The following ZNF423 variants were observed in gnomAD, a reference collection of about 807,000 sequenced individuals.
The protein encoded by ZNF423 is zinc finger protein 423.
In ZNF423, 12 loss-of-function variants were observed where a neutral mutation model predicts 95.8. The ratio of observed to expected loss-of-function variants is 0.13; its 90% CI spans 0.08 to 0.20. The LOEUF (loss-of-function observed/expected upper bound fraction) is 0.20. Ranked by LOEUF, ZNF423 falls within the 10% of genes least tolerant of loss-of-function variation. ZNF423 has a pLI of 1.00. For synonymous variants in ZNF423, 749 were observed against 711.9 expected, an observed-to-expected ratio of 1.05 and a Z score of -0.83; for missense variants, 1,316 against 1,737.1, an observed-to-expected ratio of 0.76 and a Z score of 4.31.
chr16:49,644,068 G>A (rs915458531), intron 3 of ZNF423, among the ~76,000 whole-genome samples: 1 of 152,196 alleles, frequency 6.6e-6, no homozygotes. Flanking sequence ...CACAGCTCAC[G>A]GCTCCTCTGT....
At chr16:49,563,460 C>T (rs942744169) in intron 5 of ZNF423, among the ~76,000 whole-genome samples, 2 of 152,206 alleles carry the variant, frequency 1.3e-5, no homozygotes, top group African/African-American at 2.4e-5. Context: ...CACCCAGCCT[C>T]GGGTATTCCT....
intron 1 of ZNF423, among the ~76,000 whole-genome samples, chr16:49,812,497 C>T (rs569031186): frequency 8.7e-4 from 133 of 152,210 alleles, no homozygotes; most frequent in African/African-American, 3.2e-3. Flanking sequence ...GAGTTCAAGA[C>T]CAGCCCAGGC....
intron 5 of ZNF423, among the ~76,000 whole-genome samples, chr16:49,590,629 C>T (rs1243626010): frequency 3.3e-5 from 5 of 152,190 alleles, no homozygotes; most frequent in Admixed American, 3.3e-4. Flanking sequence ...CCCTGTGCTT[C>T]CCCTTGGTCT....
intron 1 of ZNF423, among the ~76,000 whole-genome samples, chr16:49,798,381 A>G (rs529079946): frequency 6.6e-6 from 1 of 152,116 alleles, no homozygotes; most frequent in African/African-American, 2.4e-5. Flanking sequence ...GATGATGCAC[A>G]CCTATAATCC....
intron 5 of ZNF423, among the ~76,000 whole-genome samples, chr16:49,582,382 T>C (rs1244723538): frequency 6.6e-6 from 1 of 152,268 alleles, no homozygotes; most frequent in Non-Finnish European, 1.5e-5. Flanking sequence ...GTTGTATCTG[T>C]GCTCCCATTG....
intron 2 of ZNF423, among the ~76,000 whole-genome samples, chr16:49,734,052 T>C (rs1324045443): frequency 6.6e-6 from 1 of 152,250 alleles, no homozygotes; most frequent in Admixed American, 6.5e-5. Context: ...CTGAAGTCCC[T>C]GGGCCTGTTG....
chr16:49,780,957 C>T (rs900212334), intron 2 of ZNF423, among the ~76,000 whole-genome samples: 1 of 152,246 alleles, frequency 6.6e-6, no homozygotes, highest in Non-Finnish European at 1.5e-5. Flanking sequence ...AAGGTGGACG[C>T]CACCAGCACA....
chr16:49,540,389 C>T (rs757477230), intron 5 of ZNF423, among the ~76,000 whole-genome samples: 1 of 152,194 alleles, frequency 6.6e-6, no homozygotes. Flanking sequence ...ATCCTCACAC[C>T]TCAGAGCCCT....
chr16:49,527,823 G>A (rs919838418), intron 5 of ZNF423, among the ~76,000 whole-genome samples: 14 of 152,150 alleles, frequency 9.2e-5, no homozygotes, highest in South Asian at 2.1e-4. Flanking sequence ...CCCCGCCATC[G>A]TACACCACCG....
intron 3 of ZNF423, among the ~76,000 whole-genome samples, chr16:49,727,663 G>A (rs2033059933): frequency 1.3e-5 from 2 of 152,180 alleles, no homozygotes; most frequent in South Asian, 2.1e-4. Context: ...GGGGAGGCAC[G>A]TGCTGCCTCC....
chr16:49,569,000 C>T (rs934950204), intron 5 of ZNF423, among the ~76,000 whole-genome samples: 1 of 152,080 alleles, frequency 6.6e-6, no homozygotes, highest in Non-Finnish European at 1.5e-5. Context: ...CCCCACCAGC[C>T]CCTTCTAGTA....
chr16:49,823,821 C>A (rs2034974780), intron 1 of ZNF423, among the ~76,000 whole-genome samples: 1 of 152,056 alleles, frequency 6.6e-6, no homozygotes, highest in Non-Finnish European at 1.5e-5. Context: ...GTTAAAGGGG[C>A]CGGGCACAGT....
chr16:49,507,542 A>C (rs149450550), intron 7 of ZNF423, among the ~76,000 whole-genome samples: 6 of 152,342 alleles, frequency 3.9e-5, no homozygotes, highest in Non-Finnish European at 7.3e-5. Context: ...GTGTGGCCTC[A>C]GCTGGGAAAC....
At chr16:49,634,792 C>T (rs996228256) in intron 4 of ZNF423, among the ~76,000 whole-genome samples, 2 of 152,194 alleles carry the variant, frequency 1.3e-5, no homozygotes, top group African/African-American at 4.8e-5. Flanking sequence ...CCAGGCCCAC[C>T]ATTGGTTGCC....
At chr16:49,667,902 A>G (rs1045713529) in intron 3 of ZNF423, among the ~76,000 whole-genome samples, 1 of 152,126 alleles carries the variant, frequency 6.6e-6, no homozygotes, top group Non-Finnish European at 1.5e-5. Flanking sequence ...AATAATGATA[A>G]TAAAGAAGAG....
Position 49,638,767 on chromosome 16 carries a change from C to T in ZNF423, c.409G>A (p.Glu137Lys), listed in dbSNP as rs747342689. 7.4e-6 allele frequency: 12 copies of T among 1,613,994 alleles called. No individual in the cohort carries two copies. The highest frequency in any genetic ancestry group is 1.0e-5 in the Non-Finnish European group (12 of 1,180,054). ...IGDGCDLGLG[E>K]EEGGTGLPYP... Reference sequence around the variant, plus strand: ...GGCAGGCCCGTGCCCCCTTCCTCCTCGCCGAGGCCGAGGTCACAACCATCT... The same window carrying T: ...GGCAGGCCCGTGCCCCCTTCCTCCTTGCCGAGGCCGAGGTCACAACCATCT... Residue 137 changes from glutamate to lysine, a missense_variant, in exon 4 of 8, where the codon GAG becomes AAG. Transcript: ENST00000563137. This position sits in a 1 kb window ranked among gnomAD's most constrained non-coding sequence, Gnocchi z 5.6.
chr16:49,756,496 C>T (rs1479150972), intron 2 of ZNF423, among the ~76,000 whole-genome samples: 4 of 152,196 alleles, frequency 2.6e-5, no homozygotes, highest in African/African-American at 4.8e-5. Context: ...GACCCCTCCC[C>T]GGAGTTCCAA....
intron 3 of ZNF423, among the ~76,000 whole-genome samples, chr16:49,661,600 G>C (rs958751772): frequency 6.6e-6 from 1 of 152,208 alleles, no homozygotes; most frequent in African/African-American, 2.4e-5. Context: ...TAAAAAGTGA[G>C]CACTTCCCGC....
intron 5 of ZNF423, among the ~76,000 whole-genome samples, chr16:49,585,456 G>A (rs574811883): frequency 3.6e-4 from 55 of 152,280 alleles, no homozygotes; most frequent in Admixed American, 3.4e-3. Context: ...CACAGGCCTC[G>A]ATGGGGGGAT....
Sources: gnomAD v4.1 joint callset for allele counts (sites outside exome capture counted in the v4.1 genomes callset) on GRCh38, gnomAD v4.1.1 for gene constraint, Gnocchi (gnomAD v3.1) non-coding constraint, MANE v1.5 for transcripts, NCBI Gene and HGNC (gene_info 2026-07-23, HGNC 2026-07-21) for gene names.